The following CNEP1R1 variants were observed in gnomAD, a reference collection of about 807,000 sequenced individuals.
CNEP1R1 encodes the protein nuclear envelope phosphatase-regulatory subunit 1.
CNEP1R1 carries 10 observed loss-of-function variants against 22.7 expected under a neutral mutation model. That is an observed-to-expected ratio of 0.44 (90% CI 0.27 to 0.75). The LOEUF (loss-of-function observed/expected upper bound fraction) is 0.75. CNEP1R1 is among the 30% of genes least tolerant of loss of function. The pLI is 0.17. For synonymous variants in CNEP1R1, 53 were observed against 50.1 expected (o/e 1.06, Z -0.25); for missense variants, 73 against 151.5 (o/e 0.48, Z 2.72).
At chr16:50,033,126 T>G (rs951006224) in intron 3 of CNEP1R1, among the ~76,000 whole-genome samples, 5 of 152,154 alleles carry the variant, frequency 3.3e-5, no homozygotes, top group African/African-American at 1.2e-4. Context: ...ATAGGGTTGT[T>G]TTTTGATTAT....
At chr16:50,026,680 A>G (rs2036186814) in intron 2 of CNEP1R1, 1 of 543,178 alleles carries the variant, frequency 1.8e-6, no homozygotes, top group East Asian at 3.1e-5. Flanking sequence ...TTCCATTAAA[A>G]AACATATTTT....
At chr16:50,033,599 C>CA in intron 4 of CNEP1R1, 93 bp downstream of exon 4, 1 of 631,374 alleles carries the variant, frequency 1.6e-6, no homozygotes, top group African/African-American at 1.9e-5. Context: ...CGTGGTGGCT[C>CA]ACGCCTGTAA....
chr16:50,026,331 A>G (rs2036182805), intron 1 of CNEP1R1, 65 bp from the exon 2 acceptor site: 2 of 1,150,008 alleles, frequency 1.7e-6, no homozygotes, highest in African/African-American at 1.5e-5. Flanking sequence ...TGTTAGGTAA[A>G]TACTCTGACA....
Position 50,026,716 on chromosome 16 carries a change from T to TTTAC in CNEP1R1, c.97+249_97+250insTTAC. 7.2e-6 allele frequency: 3 copies of TTTAC among 417,704 alleles called. No homozygotes were observed. The South Asian group carries it at 7.9e-5, about 11-fold the overall frequency. The allele number at this position is 417,704 out of a possible 1,614,324, so 25.9% of individuals were successfully genotyped here. A position where few individuals can be genotyped will look rare whatever the true frequency, so the allele number is the denominator to read the frequency against. The stretch of plus-strand genomic sequence containing the variant: ...TTGGCCAGGCGCCGTAGCTCACGCC[T>TTTAC]GTAATCCCAGCACTTTAGGAAGCCC... On this transcript the variant is annotated intron_variant, in intron 2 of 5. Coordinates refer to ENST00000427478, the MANE Select transcript of CNEP1R1 (RefSeq NM_001281789.2).
chr16:50,035,485 TAA>T lies in CNEP1R1; in HGVS notation c.*30_*31del. The stretch of plus-strand genomic sequence containing the variant: ...AATCTTCACTCATTGTTATGGGACT[TAA>T]AATAGCCTTTCTTCGAATAAGTGAT... On this transcript the variant is annotated 3_prime_UTR_variant, in exon 6 of 6. Coordinates refer to ENST00000427478, the MANE Select transcript of CNEP1R1 (RefSeq NM_001281789.2). 6.6e-7 allele frequency: 1 copy of T among 1,525,908 alleles called. No homozygotes were observed. 94.5% of individuals were successfully genotyped at this position (1,525,908 alleles called of 1,614,324 possible). A position where few individuals can be genotyped will look rare whatever the true frequency, so the allele number is the denominator to read the frequency against.
chr16:50,031,649 A>G (rs146107597), intron 3 of CNEP1R1, among the ~76,000 whole-genome samples: 1 of 152,364 alleles, frequency 6.6e-6, no homozygotes, highest in Admixed American at 6.5e-5. Flanking sequence ...TGAGAATATA[A>G]CTATTCGCCT....
rs566825088 is a variant in CNEP1R1, at chr16:50,028,740, AT to A, written c.98-978del. ...TAGTGTATTGATTTTGCTTTTTCTT[AT>A]TTTTTTAAAACATACATGTGTAATA... is the stretch of plus-strand genomic sequence containing the variant. On this transcript the variant is annotated intron_variant, in intron 2 of 5. Coordinates refer to ENST00000427478, the MANE Select transcript of CNEP1R1 (RefSeq NM_001281789.2). Among the ~76,000 whole-genome samples the A allele has an allele frequency of 3.6e-3, 550 of 152,110 alleles. 8 individuals are homozygous for A. Among genetic ancestry groups the A allele is most frequent in the Non-Finnish European group, 2.5e-3 (172 of 67,972 alleles).
intron 1 of CNEP1R1, 147 bp from the exon 2 acceptor site, chr16:50,026,249 A>G (rs1393514874): frequency 1.2e-5 from 7 of 561,048 alleles, no homozygotes; most frequent in Admixed American, 3.1e-5. Context: ...AATGAAATAA[A>G]CAGTGCAGTG....
intron 3 of CNEP1R1, among the ~76,000 whole-genome samples, chr16:50,032,788 T>C (rs1289151199): frequency 6.6e-6 from 1 of 152,180 alleles, no homozygotes; most frequent in Non-Finnish European, 1.5e-5. Flanking sequence ...GCAGATCACC[T>C]GAGGTCAAGA....
chr16:50,026,429 A>G lies in CNEP1R1; in HGVS notation c.59A>G (p.Tyr20Cys). Residue 20 changes from tyrosine (Y) to cysteine (C), a missense_variant, in exon 2 of 6, where the codon TAT becomes TGT. By Grantham distance (194) the Tyr-to-Cys change is radical (BLOSUM62 -2). Transcript: ENST00000427478. ...LKAFERRLTE[Y>C]IHCLQPATGR... ...GCTTTTGAGAGGAGACTTACTGAAT[A>G]TATTCATTGTTTGCAACCTGCTACT... 1 of 1,610,886 alleles carries G rather than the reference A, an allele frequency of 6.2e-7. No individual in the cohort carries two copies. The highest frequency in any genetic ancestry group is 1.1e-5 in the South Asian group (1 of 90,270).
rs1340391351 is a variant in CNEP1R1 at position 50,036,666 on chromosome 16, T to C, written c.*1208T>C. The C allele has an allele frequency of 1.3e-5, 2 of 152,584 alleles. No individual in the cohort carries two copies. Among genetic ancestry groups the C allele is most frequent in the South Asian group, 4.1e-4 (2 of 4,834 alleles). 9.5% of individuals were successfully genotyped at this position (152,584 alleles called of 1,614,324 possible). ...ACTAGAGTCTACAATTCTCACTGTT[T>C]AGAGAGTGTTAATGACATACTGTGT... is the stretch of plus-strand genomic sequence containing the variant. On this transcript the variant is annotated 3_prime_UTR_variant, in exon 6 of 6. Coordinates refer to ENST00000427478, the MANE Select transcript of CNEP1R1 (RefSeq NM_001281789.2).
chr16:50,025,394 C>T, intron 1 of CNEP1R1, 54 bp downstream of exon 1: 15 of 1,415,938 alleles, frequency 1.1e-5, no homozygotes, highest in Non-Finnish European at 1.4e-5. Context: ...GCTGGCGGTG[C>T]TCCGGAGGAG....
chr16:50,030,100 C>A (rs192334610), intron 3 of CNEP1R1, among the ~76,000 whole-genome samples: 1 of 152,128 alleles, frequency 6.6e-6, no homozygotes, highest in East Asian at 1.9e-4. Context: ...ATTTTTACTT[C>A]AGTGTGAGTA....
intron 2 of CNEP1R1, among the ~76,000 whole-genome samples, chr16:50,027,551 C>A (rs2036196767): frequency 6.6e-6 from 1 of 151,640 alleles, no homozygotes; most frequent in Non-Finnish European, 1.5e-5. Flanking sequence ...GTGGCACACC[C>A]CGAGGTCCCA....
At chr16:50,028,309 C>T (rs1477959851) in intron 2 of CNEP1R1, among the ~76,000 whole-genome samples, 2 of 152,162 alleles carry the variant, frequency 1.3e-5, no homozygotes, top group African/African-American at 4.8e-5. Context: ...TAATTCCTAT[C>T]AAGAAGGAAG....
Position 50,025,265 on chromosome 16 carries a change from G to T in CNEP1R1, c.-51G>T. 2 of 1,387,942 alleles carry T rather than the reference G, an allele frequency of 1.4e-6. No homozygotes were observed. 86.0% of individuals were successfully genotyped at this position (1,387,942 alleles called of 1,614,324 possible). A position where few individuals can be genotyped will look rare whatever the true frequency, so the allele number is the denominator to read the frequency against. On this transcript the variant is annotated 5_prime_UTR_variant, in exon 1 of 6. Transcript: ENST00000427478. ...CGCTGCGGGCCGGGCGGGGGCCGCG[G>T]AAGCTGCGATGCGGACAGGGCAGCG...
Position 50,026,834 on chromosome 16 carries a change from C to T in CNEP1R1, c.97+367C>T, listed in dbSNP as rs576694323. 29 of 180,460 alleles carry T rather than the reference C, an allele frequency of 1.6e-4. No homozygotes were observed. In the South Asian group the frequency reaches 2.9e-3, roughly 18 times the overall value. The allele number at this position is 180,460 out of a possible 1,614,324, so 11.2% of individuals were successfully genotyped here. Reference sequence around the variant, plus strand: ...TACTAAAAATACGAAATTAGCCGGTCGTGGTGACGCTGCCTGTGATCCCAG... The same window carrying T: ...TACTAAAAATACGAAATTAGCCGGTTGTGGTGACGCTGCCTGTGATCCCAG... On this transcript the variant is annotated intron_variant, in intron 2 of 5. Coordinates refer to ENST00000427478, the MANE Select transcript of CNEP1R1 (RefSeq NM_001281789.2).
chr16:50,026,080 C>G (rs1002928560), intron 1 of CNEP1R1: 3 of 417,382 alleles, frequency 7.2e-6, no homozygotes, highest in East Asian at 3.6e-5. Flanking sequence ...ATTTGCAACC[C>G]TGAAAATGTT....
chr16:50,025,452 A>T (rs1371015846), intron 1 of CNEP1R1, 112 bp downstream of exon 1: 2 of 1,249,826 alleles, frequency 1.6e-6, no homozygotes, highest in African/African-American at 3.0e-5. Flanking sequence ...CAGAGGATGG[A>T]GCTAGGGGCC....
Sources: gnomAD v4.1 joint callset for allele counts (sites outside exome capture counted in the v4.1 genomes callset) on GRCh38, gnomAD v4.1.1 for gene constraint, MANE v1.5 for transcripts, NCBI Gene and HGNC (gene_info 2026-07-23, HGNC 2026-07-21) for gene names.